Variants in RBMS2 observed in about 807,000 individuals in gnomAD.
RBMS2 encodes RNA binding motif single stranded interacting protein 2, also known as RNA-binding motif, single-stranded-interacting protein 2.
RBMS2 carries 38 observed loss-of-function variants against 58.4 expected under a neutral mutation model. The ratio of observed to expected loss-of-function variants is 0.65; its 90% CI spans 0.50 to 0.85. RBMS2 has a LOEUF of 0.85. Ranked by LOEUF, RBMS2 falls within the 40% of genes least tolerant of loss-of-function variation. RBMS2 has a pLI of 0.00. For missense variants in RBMS2, 367 were observed against 503.7 expected, an observed-to-expected ratio of 0.73 and a Z score of 2.60; for synonymous variants, 151 against 180.7, an observed-to-expected ratio of 0.84 and a Z score of 1.32.
At chr12:56,549,597 G>A (rs1359572951) in intron 1 of RBMS2, among the ~76,000 whole-genome samples, 1 of 152,102 alleles carries the variant, frequency 6.6e-6, no homozygotes, top group Non-Finnish European at 1.5e-5. Flanking sequence ...ATATTTTTAT[G>A]TCCACGTCCC....
At chr12:56,587,687 G>A in intron 11 of RBMS2, 23 bp downstream of exon 11, 2 of 1,608,528 alleles carry the variant, frequency 1.2e-6, no homozygotes, top group African/African-American at 1.3e-5. Context: ...ATTTCTGATT[G>A]TAAACTCTCC....
Position 56,565,602 on chromosome 12 carries a change from G to C in RBMS2, c.233+3019G>C, listed in dbSNP as rs142331398. 1.6e-3 allele frequency among the ~76,000 whole-genome samples: 239 copies of C among 152,326 alleles called. 6 individuals carry two copies. In the East Asian group the frequency reaches 0.04, roughly 25 times the overall value. On this transcript the variant is annotated intron_variant, in intron 2 of 13. Coordinates refer to ENST00000262031, the MANE Select transcript of RBMS2 (RefSeq NM_002898.4). ...AAAAGGGGACTGTGGAGAGGCAGGAGTGAGGCAGGAATGAAAGAGGTGCCA... is the reference window on the plus strand; with the variant it reads ...AAAAGGGGACTGTGGAGAGGCAGGACTGAGGCAGGAATGAAAGAGGTGCCA...
intron 4 of RBMS2, 138 bp downstream of exon 4, chr12:56,570,128 C>T: frequency 2.9e-6 from 2 of 687,694 alleles, no homozygotes; most frequent in Non-Finnish European, 4.9e-6. Context: ...CTAGACAGTC[C>T]ATGAGCACCC....
At chr12:56,560,622 T>C (rs1274207108) in intron 1 of RBMS2, among the ~76,000 whole-genome samples, 1 of 152,028 alleles carries the variant, frequency 6.6e-6, no homozygotes, top group African/African-American at 2.4e-5. Flanking sequence ...CTCAAACTCA[T>C]GGGTTCAAGC....
At chr12:56,538,101 C>T (rs1325423815) in intron 1 of RBMS2, among the ~76,000 whole-genome samples, 5 of 151,814 alleles carry the variant, frequency 3.3e-5, no homozygotes, top group Non-Finnish European at 5.9e-5. Flanking sequence ...GGCATGATCT[C>T]GGCTCATTGC....
At chr12:56,554,500 A>G (rs1216953737) in intron 1 of RBMS2, among the ~76,000 whole-genome samples, 1 of 152,110 alleles carries the variant, frequency 6.6e-6, no homozygotes, top group African/African-American at 2.4e-5. Flanking sequence ...AAAACCAAAC[A>G]CTGCATGTTC....
chr12:56,521,502 G>GT (rs68129205), upstream of RBMS2, among the ~76,000 whole-genome samples: 3,799 of 73,086 alleles, frequency 0.052, 334 homozygotes, highest in South Asian at 0.13. Flanking sequence ...CTCTAACTCT[G>GT]TTTTTTTTTT....
rs1018303716 is a variant in RBMS2 at position 56,595,721 on chromosome 12, C to T, written c.*6588C>T. ...GGGGCCACATCTCACAAGGCAGGAC[C>T]TGGATGCACTGAATCCCCCTTTGCT... On this transcript the variant is annotated 3_prime_UTR_variant, in exon 14 of 14. Transcript: ENST00000262031. 6.6e-6 allele frequency: 1 copy of T among 152,480 alleles called. No individual in the cohort carries two copies. Among genetic ancestry groups the T allele is most frequent in the Non-Finnish European group, 1.5e-5 (1 of 68,064 alleles). 9.4% of individuals were successfully genotyped at this position (152,480 alleles called of 1,614,324 possible).
At chr12:56,534,656 T>G (rs1874408271) in intron 1 of RBMS2, among the ~76,000 whole-genome samples, 1 of 152,172 alleles carries the variant, frequency 6.6e-6, no homozygotes, top group South Asian at 2.1e-4. Flanking sequence ...TTTATTTATT[T>G]TTTATGATGG....
rs1885248621 is a variant in RBMS2, at chr12:56,590,759, G to A, written c.*1626G>A. ...GCACACATGTACTCAGAGGGATTCA[G>A]GTGGGCATTGTTCTGGTGTGTGCTG... On this transcript the variant is annotated 3_prime_UTR_variant, in exon 14 of 14. Transcript: ENST00000262031. 6.6e-6 allele frequency: 1 copy of A among 152,260 alleles called. No individual in the cohort carries two copies. Among genetic ancestry groups the A allele is most frequent in the Admixed American group, 6.5e-5 (1 of 15,280 alleles). The allele number at this position is 152,260 out of a possible 1,614,324, so 9.4% of individuals were successfully genotyped here.
chr12:56,546,387 TATA>T (rs1340981068), intron 1 of RBMS2, among the ~76,000 whole-genome samples: 1 of 141,098 alleles, frequency 7.1e-6, no homozygotes, highest in Non-Finnish European at 1.5e-5. Flanking sequence ...TAATGTAAAA[TATA>T]ATGTATAATA....
chr12:56,527,334 G>A (rs970225951), intron 1 of RBMS2, among the ~76,000 whole-genome samples: 1 of 152,066 alleles, frequency 6.6e-6, no homozygotes, highest in Non-Finnish European at 1.5e-5. Flanking sequence ...GTGGTAGGCC[G>A]GGCGCAGTGG....
Position 56,581,220 on chromosome 12 carries a change from C to A in RBMS2, c.579C>A (p.Thr193=), listed in dbSNP as rs773835910. Reference sequence around the variant, plus strand: ...CAGAGAAGTGTGAAGCCATCATCACCCACTTTAATGGAAAATATATTAAGA... The same window carrying A: ...CAGAGAAGTGTGAAGCCATCATCACACACTTTAATGGAAAATATATTAAGA... The part of the protein sequence containing the change: ...ESTEKCEAII[T]HFNGKYIKTP... Residue 193 remains threonine (T), a synonymous_variant, in exon 6 of 14, where the codon ACC becomes ACA. Coordinates refer to ENST00000262031, the MANE Select transcript of RBMS2 (RefSeq NM_002898.4). 1 of 1,609,952 alleles carries A rather than the reference C, an allele frequency of 6.2e-7. No homozygotes were observed. The highest frequency in any genetic ancestry group is 1.1e-5 in the South Asian group (1 of 91,006).
intron 1 of RBMS2, among the ~76,000 whole-genome samples, chr12:56,536,649 C>T (rs999076607): frequency 6.6e-6 from 1 of 151,296 alleles, no homozygotes; most frequent in African/African-American, 2.4e-5. Flanking sequence ...CTCACTGCAA[C>T]CTCCACCTGG....
intron 1 of RBMS2, among the ~76,000 whole-genome samples, chr12:56,557,237 C>T: frequency 6.6e-6 from 1 of 152,144 alleles, no homozygotes; most frequent in East Asian, 1.9e-4. Context: ...ACCCTTTTCT[C>T]TCTTACATAT....
At position 56,526,729 on chromosome 12, in the gene RBMS2, G is replaced by A. The variant is rs966062707; in HGVS notation, c.66+4640G>A. 2.0e-5 allele frequency among the ~76,000 whole-genome samples: 3 copies of A among 146,616 alleles called. No homozygotes were observed. In the Admixed American group the frequency reaches 2.1e-4, roughly 10 times the overall value. ...AGGGTCTCAACACTGTTTCTTCAATGTTTGAAGAAGTTGCCAAAGTAGAGA... is the reference window on the plus strand; with the variant it reads ...AGGGTCTCAACACTGTTTCTTCAATATTTGAAGAAGTTGCCAAAGTAGAGA... On this transcript the variant is annotated intron_variant, in intron 1 of 13. Coordinates refer to ENST00000262031, the MANE Select transcript of RBMS2 (RefSeq NM_002898.4).
chr12:56,540,337 G>GTATT (rs1875838654), intron 1 of RBMS2, among the ~76,000 whole-genome samples: 2 of 152,048 alleles, frequency 1.3e-5, no homozygotes, highest in South Asian at 4.1e-4. Flanking sequence ...ATGTATGTAT[G>GTATT]TATTTATGTA....
chr12:56,577,085 G>T (rs1239549473), intron 5 of RBMS2, among the ~76,000 whole-genome samples: 2 of 146,314 alleles, frequency 1.4e-5, no homozygotes, highest in Non-Finnish European at 3.0e-5. Flanking sequence ...GCTCACAATT[G>T]CCCAGACAAC....
intron 5 of RBMS2, among the ~76,000 whole-genome samples, chr12:56,577,991 T>A (rs1405539573): frequency 1.3e-5 from 2 of 152,038 alleles, no homozygotes; most frequent in Non-Finnish European, 2.9e-5. Flanking sequence ...CCCGGCCTAA[T>A]TTTTTAATTT....
Sources: gnomAD v4.1 joint callset for allele counts (sites outside exome capture counted in the v4.1 genomes callset) on GRCh38, gnomAD v4.1.1 for gene constraint, MANE v1.5 for transcripts, NCBI Gene and HGNC (gene_info 2026-07-23, HGNC 2026-07-21) for gene names.